Variants in AGBL2 observed in about 807,000 individuals in gnomAD.
AGBL2 encodes cytosolic carboxypeptidase 2.
In AGBL2, 87 loss-of-function variants were observed where a neutral mutation model predicts 103.0. The ratio of observed to expected loss-of-function variants is 0.84; its 90% CI spans 0.71 to 1.01. The LOEUF (loss-of-function observed/expected upper bound fraction) is 1.01. Ranked by LOEUF, AGBL2 falls within the 50% of genes least tolerant of loss-of-function variation. The probability of loss-of-function intolerance (pLI) is 0.00; values close to 1 mark genes in which losing one functional copy is unlikely to be tolerated. For synonymous variants in AGBL2, 335 were observed against 356.7 expected (o/e 0.94, Z 0.69); for missense variants, 904 against 1,023.5 (o/e 0.88, Z 1.59).
Position 47,686,959 on chromosome 11 carries a change from CA to C in AGBL2, c.1632-911del, listed in dbSNP as rs56079169. On this transcript the variant is annotated intron_variant, in intron 10 of 18. Coordinates refer to ENST00000525123, the MANE Select transcript of AGBL2 (RefSeq NM_024783.4). ...GGGCATCAAGAGTGAAACTCTATCT[CA>C]AAAAAAAAAAAAAAAAAAATGGTGG... 6.0e-3 allele frequency among the ~76,000 whole-genome samples: 309 copies of C among 51,592 alleles called. 3 individuals carry two copies. The highest frequency in any genetic ancestry group is 0.021 in the African/African-American group (274 of 13,104). The allele number at this position is 51,592 out of a possible 152,430, so 33.8% of individuals were successfully genotyped here.
chr11:47,661,528 A>G (rs2097327916), intron 18 of AGBL2, among the ~76,000 whole-genome samples: 1 of 152,158 alleles, frequency 6.6e-6, no homozygotes, highest in Non-Finnish European at 1.5e-5. Context: ...AGTAGACACT[A>G]GAAGACACTG....
rs1473723691 is a variant in AGBL2 at position 47,690,209 on chromosome 11, T to A, written c.1498A>T (p.Met500Leu). 17 of 1,614,116 alleles carry A rather than the reference T, an allele frequency of 1.1e-5. No individual in the cohort carries two copies. Among genetic ancestry groups the A allele is most frequent in the Non-Finnish European group, 1.4e-5 (17 of 1,180,018 alleles). ...ACAATCACACCATCTGGATTTAACA[T>A]GGGAAGCACCTTGAAGACAAAAATA... ...RDIFVFKVLP[M>L]LNPDGVIVGN... The change falls in exon 10 of 19, where the codon ATG becomes TTG. Residue 500 changes from methionine (M) to leucine (L), a missense_variant. By Grantham distance (15) the Met-to-Leu change is conservative (BLOSUM62 2). Transcript: ENST00000525123.
chr11:47,674,073 G>A (rs1446887361), intron 14 of AGBL2, among the ~76,000 whole-genome samples: 1 of 151,540 alleles, frequency 6.6e-6, no homozygotes, highest in Non-Finnish European at 1.5e-5. Context: ...GCCTGGGCAA[G>A]AAGAGTGAAA....
Position 47,685,959 on chromosome 11 carries a change from G to A in AGBL2, c.1722C>T (p.Asn574=). The A allele has an allele frequency of 6.2e-7, 1 of 1,613,946 alleles. No homozygotes were observed. The highest frequency in any genetic ancestry group is 8.5e-7 in the Non-Finnish European group (1 of 1,179,910). Residue 574 remains asparagine, a synonymous_variant, in exon 11 of 19, where the codon AAC becomes AAT. Transcript: ENST00000525123. ...NNIFLYGCNN[N]NRKYWLHERV... is the part of the protein sequence containing the mutation. ...GTTCATGAAGCCAGTATTTGCGATT[G>A]TTGTTATTACAGCCATACAGGAAGA...
At position 47,689,966 on chromosome 11, in the gene AGBL2, C is replaced by T. The variant is rs1454505819; in HGVS notation, c.1631+110G>A. 3.1e-6 allele frequency: 3 copies of T among 959,704 alleles called. No homozygotes were observed. In the Admixed American group the frequency reaches 8.5e-5, roughly 27 times the overall value. 59.4% of individuals were successfully genotyped at this position (959,704 alleles called of 1,614,324 possible). On this transcript the variant is annotated intron_variant, in intron 10 of 18. Coordinates refer to ENST00000525123, the MANE Select transcript of AGBL2 (RefSeq NM_024783.4). ...CTGGTAAGGGCTCTGTCTCCAAAGT[C>T]ATACTCAATTCCTTTAACAACAGAA...
chr11:47,680,059 T>G lies in AGBL2; in HGVS notation c.1930A>C (p.Thr644Pro). 6.2e-7 allele frequency: 1 copy of G among 1,604,764 alleles called. No individual in the cohort carries two copies. Among genetic ancestry groups the G allele is most frequent in the Non-Finnish European group, 8.5e-7 (1 of 1,173,430 alleles). ...TTCAGATCTTCGATGGTAAAGTGGG[T>G]GTCTCTTTTATTACCTGGAAAAAAA... is the stretch of plus-strand genomic sequence containing the variant. ...GGSTLGNKRD[T>P]HFTIEDLKSL... The change falls in exon 13 of 19, where the codon ACC becomes CCC. Residue 644 changes from threonine to proline, a missense_variant. Coordinates refer to ENST00000525123, the MANE Select transcript of AGBL2 (RefSeq NM_024783.4).
At chr11:47,693,026 C>T (rs2097454176) in intron 8 of AGBL2, among the ~76,000 whole-genome samples, 1 of 151,930 alleles carries the variant, frequency 6.6e-6, no homozygotes, top group Non-Finnish European at 1.5e-5. Flanking sequence ...CACTATGTCA[C>T]CCAGGCTATT....
rs375959180 is a variant in AGBL2 at position 47,660,298 on chromosome 11, T to C, written c.2584A>G (p.Asn862Asp). The change falls in exon 19 of 19, where the codon AAC becomes GAC. Residue 862 changes from asparagine to aspartate, a missense_variant. Asn to Asp is a conservative substitution (Grantham distance 23). Transcript: ENST00000525123. Reference protein sequence around the residue: ...TVSCSPKRTINSSQEPAPGMK... With the variant: ...TVSCSPKRTIDSSQEPAPGMK... Reference sequence around the variant, plus strand: ...CCTGGAGCTGGCTCTTGGCTGGAGTTTATGGTTCTCTTTGGAGAGCATGAT... The same window carrying C: ...CCTGGAGCTGGCTCTTGGCTGGAGTCTATGGTTCTCTTTGGAGAGCATGAT... 2.8e-5 allele frequency: 45 copies of C among 1,614,102 alleles called. No individual in the cohort carries two copies. The highest frequency in any genetic ancestry group is 3.7e-5 in the Non-Finnish European group (44 of 1,180,042).
chr11:47,684,339 G>A (rs866865599), intron 11 of AGBL2, among the ~76,000 whole-genome samples: 2 of 151,184 alleles, frequency 1.3e-5, no homozygotes, highest in Non-Finnish European at 1.5e-5. Flanking sequence ...AGGCTGAGGC[G>A]GGTGGTCAGG....
chr11:47,680,537 G>C (rs770943200), intron 12 of AGBL2, among the ~76,000 whole-genome samples: 3 of 152,162 alleles, frequency 2.0e-5, no homozygotes, highest in Non-Finnish European at 2.9e-5. Flanking sequence ...CCAGCACTTT[G>C]AGAGACCAAG....
intron 8 of AGBL2, among the ~76,000 whole-genome samples, chr11:47,695,947 T>C (rs2097468225): frequency 7.0e-6 from 1 of 143,440 alleles, no homozygotes; most frequent in East Asian, 2.0e-4. Flanking sequence ...GGTGGATCAC[T>C]TGAGGCCAGA....
At chr11:47,661,796 C>G (rs1301976660) in intron 18 of AGBL2, among the ~76,000 whole-genome samples, 1 of 151,892 alleles carries the variant, frequency 6.6e-6, no homozygotes, top group Non-Finnish European at 1.5e-5. Flanking sequence ...ACTCTGTCGC[C>G]CAGGCTGCAG....
chr11:47,667,499 AC>A, intron 16 of AGBL2, 71 bp downstream of exon 16: 1 of 1,553,322 alleles, frequency 6.4e-7, no homozygotes, highest in Non-Finnish European at 8.7e-7. Flanking sequence ...GTAAACTTTA[AC>A]CCCCTTTCCT....
intron 14 of AGBL2, among the ~76,000 whole-genome samples, chr11:47,670,480 A>G (rs766011573): frequency 3.3e-5 from 5 of 152,096 alleles, no homozygotes; most frequent in Non-Finnish European, 7.4e-5. Flanking sequence ...GCAAGAAACT[A>G]TCTAAAAAAA....
intron 6 of AGBL2, chr11:47,705,223 A>C (rs568877403): frequency 6.5e-6 from 1 of 153,014 alleles, no homozygotes. Context: ...GGAAAGACAG[A>C]CATAAAACAA....
At chr11:47,706,008 G>A (rs544332931) in intron 4 of AGBL2, 91 bp from the exon 5 acceptor site, 16 of 1,015,124 alleles carry the variant, frequency 1.6e-5, no homozygotes, top group Admixed American at 1.0e-4. Flanking sequence ...CATTTCCTAT[G>A]CTCACTCTGG....
At chr11:47,676,397 T>C (rs1389899737) in intron 14 of AGBL2, among the ~76,000 whole-genome samples, 1 of 152,178 alleles carries the variant, frequency 6.6e-6, no homozygotes, top group Non-Finnish European at 1.5e-5. Context: ...TTTACCTGTA[T>C]TATTGGTCTA....
chr11:47,682,093 G>T lies in AGBL2; in HGVS notation c.1791C>A (p.Phe597Leu). 1 of 1,612,196 alleles carries T rather than the reference G, an allele frequency of 6.2e-7. No homozygotes were observed. Among genetic ancestry groups the T allele is most frequent in the Non-Finnish European group, 8.5e-7 (1 of 1,179,276 alleles). ...LMLCKNAPDK[F>L]SFHSCNFKVQ... ...CCTTAAAATTACAACTGTGAAAAGA[G>T]AACTAAAAAGAAATCCAAATTTTCT... Residue 597 changes from phenylalanine to leucine, a missense_variant and splice_region_variant, in exon 12 of 19, where the codon TTC (phenylalanine) becomes TTA (leucine). Transcript: ENST00000525123.
chr11:47,685,031 AC>A (rs1408887656), intron 11 of AGBL2, among the ~76,000 whole-genome samples: 1 of 149,816 alleles, frequency 6.7e-6, no homozygotes, highest in African/African-American at 2.4e-5. Flanking sequence ...ACGTGGTGAA[AC>A]CCCGTCTCCA....
Sources: gnomAD v4.1 joint callset for allele counts (sites outside exome capture counted in the v4.1 genomes callset) on GRCh38, gnomAD v4.1.1 for gene constraint, MANE v1.5 for transcripts, NCBI Gene and HGNC (gene_info 2026-07-23, HGNC 2026-07-21) for gene names.